The following CDK13 variants were observed in gnomAD, a reference collection of about 807,000 sequenced individuals.
The protein encoded by CDK13 is cyclin-dependent kinase 13.
CDK13 carries 40 observed loss-of-function variants against 137.6 expected under a neutral mutation model. The ratio of observed to expected loss-of-function variants is 0.29; its 90% CI spans 0.23 to 0.38. The LOEUF (loss-of-function observed/expected upper bound fraction) is 0.38, where lower values mean the gene tolerates loss of function less well. Among genes scored for constraint, CDK13 ranks in the 10% least tolerant of loss-of-function variants. The pLI is 1.00. For missense variants in CDK13, 1,704 were observed against 1,951.8 expected, an observed-to-expected ratio of 0.87 and a Z score of 2.39; for synonymous variants, 869 against 760.1, an observed-to-expected ratio of 1.14 and a Z score of -2.36.
At chr7:40,067,979 C>G (rs953879283) in intron 9 of CDK13, 2 of 152,020 alleles carry the variant, frequency 1.3e-5, no homozygotes, top group Admixed American at 6.6e-5. Context: ...CCTGTAGTCC[C>G]AGCTCCTCAG....
chr7:40,057,042 G>A (rs1786034786), intron 7 of CDK13, among the ~76,000 whole-genome samples: 1 of 152,206 alleles, frequency 6.6e-6, no homozygotes, highest in Admixed American at 6.5e-5. Flanking sequence ...ATCACCTGAG[G>A]TCAGGAGTTC....
At chr7:40,000,885 G>T (rs1323884320) in intron 4 of CDK13, among the ~76,000 whole-genome samples, 2 of 152,002 alleles carry the variant, frequency 1.3e-5, no homozygotes, top group African/African-American at 4.8e-5. Flanking sequence ...CTTGTAATAG[G>T]CTTCGTGTAT....
Position 39,961,708 on chromosome 7 carries a change from C to G in CDK13, c.1211+9856C>G, listed in dbSNP as rs4498451. ...CGTGCAGGTTAGTTACATATGTATA[C>G]ATGTGCCATGTTGGTGTGCTGCACC... On this transcript the variant is annotated intron_variant, in intron 1 of 13. Transcript: ENST00000181839. 9.2e-5 allele frequency among the ~76,000 whole-genome samples: 14 copies of G among 151,416 alleles called. No individual in the cohort carries two copies. In the East Asian group the frequency reaches 2.7e-3, roughly 29 times the overall value.
At chr7:39,953,895 A>G (rs966648506) in intron 1 of CDK13, among the ~76,000 whole-genome samples, 2 of 152,194 alleles carry the variant, frequency 1.3e-5, no homozygotes, top group Non-Finnish European at 2.9e-5. Context: ...TTTTAGCAAG[A>G]TCCTTGAAGA....
In CDK13 at chr7:39,987,901, G is replaced by C. The variant is rs778059575; in HGVS notation, c.1514G>C (p.Ser505Thr). ...AAGGGGAACACGGAAACTAGTGCCA[G>C]TGCATCACAAACAAACCATGTGAAG... ...PTKGNTETSA[S>T]ASQTNHVKDV... Residue 505 changes from serine (S) to threonine (T), a missense_variant, in exon 2 of 14, where the codon AGT becomes ACT. Around this residue, in one of 5 missense-constraint regions of CDK13, gnomAD observed 1,051 missense variants for 931.0 expected, o/e 1.13. Coordinates refer to ENST00000181839, the MANE Select transcript of CDK13 (RefSeq NM_003718.5). 9 of 1,614,074 alleles carry C rather than the reference G, an allele frequency of 5.6e-6. No homozygotes were observed. Among genetic ancestry groups the C allele is most frequent in the Non-Finnish European group, 7.6e-6 (9 of 1,180,016 alleles).
At chr7:40,006,584 C>T (rs1031448066) in intron 5 of CDK13, among the ~76,000 whole-genome samples, 20 of 152,196 alleles carry the variant, frequency 1.3e-4, no homozygotes, top group African/African-American at 4.1e-4. Flanking sequence ...TTGGCTGAGG[C>T]GGGCGGATCA....
rs986093302 is a variant in CDK13, at chr7:40,051,797, A to C, written c.2600+3920A>C. Among the ~76,000 whole-genome samples, 3 of 152,212 alleles carry C rather than the reference A, an allele frequency of 2.0e-5. No homozygotes were observed. In the East Asian group the frequency reaches 5.8e-4, roughly 29 times the overall value. On this transcript the variant is annotated intron_variant, in intron 7 of 13. Coordinates refer to ENST00000181839, the MANE Select transcript of CDK13 (RefSeq NM_003718.5). ...CTGCTCTTCATGTGCCTATTGAAGA[A>C]AGAAAGAGAACCACTGGATTAAAAT...
intron 5 of CDK13, among the ~76,000 whole-genome samples, chr7:40,028,218 CT>C (rs1209452508): frequency 0.034 from 4,061 of 118,938 alleles, 154 homozygotes; most frequent in African/African-American, 0.12. Context: ...CTTGAATTGA[CT>C]TTTTTTTTTT....
At chr7:40,007,998 G>C (rs964477986) in intron 5 of CDK13, among the ~76,000 whole-genome samples, 1 of 152,192 alleles carries the variant, frequency 6.6e-6, no homozygotes, top group Non-Finnish European at 1.5e-5. Flanking sequence ...GACAATGAAA[G>C]ATCGGCATAT....
Position 40,030,422 on chromosome 7 carries a change from ATTTTTTTTTTTTT to A in CDK13, c.2354-15399_2354-15387del, listed in dbSNP as rs34922492. ...ACCCCTGCAACTCTGGCAACCACTG[ATTTTTTTTTTTTT>A]TTTTTTTTTTTTTTGAGATAAGAGT... On this transcript the variant is annotated intron_variant, in intron 5 of 13. Transcript: ENST00000181839. 7.6e-5 allele frequency among the ~76,000 whole-genome samples: 5 copies of A among 66,010 alleles called. No individual in the cohort carries two copies. In the East Asian group the frequency reaches 1.2e-3, roughly 15 times the overall value. 43.3% of individuals were successfully genotyped at this position (66,010 alleles called of 152,430 possible).
chr7:40,014,045 A>G (rs1784951231), intron 5 of CDK13, among the ~76,000 whole-genome samples: 1 of 151,124 alleles, frequency 6.6e-6, no homozygotes, highest in Non-Finnish European at 1.5e-5. Context: ...ATAGGCAAAA[A>G]ATGCTGTCTT....
chr7:40,035,254 C>T (rs1785456989), intron 5 of CDK13, among the ~76,000 whole-genome samples: 1 of 152,052 alleles, frequency 6.6e-6, no homozygotes, highest in South Asian at 2.1e-4. Flanking sequence ...TTTAAAAATG[C>T]AGGTCATGAC....
Position 40,047,830 on chromosome 7 carries a change from A to G in CDK13, c.2553A>G (p.Ile851Met), listed in dbSNP as rs765678199. ...GTCTTATTTCCACCAGAGGGCAGAT[A>G]AAACTTGCAGACTTTGGACTTGCTC... Reference protein sequence around the residue: ...SNILLNNRGQIKLADFGLARL... With the variant: ...SNILLNNRGQMKLADFGLARL... Residue 851 changes from isoleucine (I) to methionine (M), a missense_variant, in exon 7 of 14, where the codon ATA (isoleucine) becomes ATG (methionine). Physicochemically the swap from Ile to Met is conservative, Grantham distance 10. This residue lies in a region of CDK13 where 130 missense variants were observed against 362.4 expected (regional missense o/e 0.36). Transcript: ENST00000181839. 6.2e-7 allele frequency: 1 copy of G among 1,609,952 alleles called. No homozygotes were observed. Among genetic ancestry groups the G allele is most frequent in the Admixed American group, 1.7e-5 (1 of 59,998 alleles).
intron 1 of CDK13, among the ~76,000 whole-genome samples, chr7:39,974,628 G>A (rs1402889125): frequency 1.3e-5 from 2 of 151,228 alleles, no homozygotes; most frequent in African/African-American, 4.9e-5. Context: ...GCAGTGGCAC[G>A]GTCTTGGCTC....
In CDK13 at chr7:40,094,850, C is replaced by T. The variant is rs776784082; in HGVS notation, c.4409C>T (p.Pro1470Leu). Residue 1470 changes from proline (P) to leucine (L), a missense_variant, in exon 14 of 14, where the codon CCG becomes CTG. Pro to Leu is a moderately conservative substitution (Grantham distance 98). Transcript: ENST00000181839. ...YNYGGNLQEN[P>L]SGPSLMHGQT... The stretch of plus-strand genomic sequence containing the variant: ...TATGGTGGTAACTTACAGGAAAATC[C>T]GAGTGGCCCCAGCCTCATGCATGGA... The T allele has an allele frequency of 1.3e-5, 20 of 1,551,406 alleles. No homozygotes were observed. In the East Asian group the frequency reaches 1.3e-4, roughly 10 times the overall value.
intron 5 of CDK13, among the ~76,000 whole-genome samples, chr7:40,006,094 C>T (rs1306256339): frequency 6.6e-6 from 1 of 152,192 alleles, no homozygotes; most frequent in Admixed American, 6.5e-5. Flanking sequence ...CCTCCTAACG[C>T]TTTCATCTGC....
Position 39,951,461 on chromosome 7 carries a change from C to A in CDK13, c.820C>A (p.Arg274=). The A allele has an allele frequency of 1.3e-6, 2 of 1,538,914 alleles. No individual in the cohort carries two copies. Among genetic ancestry groups the A allele is most frequent in the Non-Finnish European group, 1.7e-6 (2 of 1,143,450 alleles). Reference sequence around the variant, plus strand: ...CAGCAGCAGTAGCAGCCGCAAGGACCGGGACTCGAAGGCCCACCGCAGCCG... The same window carrying A: ...CAGCAGCAGTAGCAGCCGCAAGGACAGGGACTCGAAGGCCCACCGCAGCCG... The part of the protein sequence containing the change: ...TSSSSSSRKD[R]DSKAHRSRTK... Residue 274 remains arginine (R), a synonymous_variant, in exon 1 of 14, where the codon CGG becomes AGG. Transcript: ENST00000181839.
Position 40,096,397 on chromosome 7 carries a change from T to A in CDK13, c.*1417T>A, listed in dbSNP as rs564979039. 37 of 151,628 alleles carry A rather than the reference T, an allele frequency of 2.4e-4. No homozygotes were observed. The highest frequency in any genetic ancestry group is 8.9e-4 in the African/African-American group (37 of 41,486). 9.4% of individuals were successfully genotyped at this position (151,628 alleles called of 1,614,324 possible). A position where few individuals can be genotyped will look rare whatever the true frequency, so the allele number is the denominator to read the frequency against. The stretch of plus-strand genomic sequence containing the variant: ...AGAATGGAGTAGTCCTTATTTAAAC[T>A]GTAATGGTGTCAAGTCTCACTGTGT... On this transcript the variant is annotated 3_prime_UTR_variant, in exon 14 of 14. Transcript: ENST00000181839.
intron 1 of CDK13, among the ~76,000 whole-genome samples, chr7:39,964,541 G>A (rs1377624576): frequency 5.4e-5 from 8 of 149,314 alleles, no homozygotes; most frequent in Non-Finnish European, 1.2e-4. Context: ...CTAGCGGTCT[G>A]TCAATTTTGT....
Sources: gnomAD v4.1 joint callset for allele counts (sites outside exome capture counted in the v4.1 genomes callset) on GRCh38, gnomAD v4.1.1 for gene constraint, gnomAD v4.1.1 regional missense constraint, MANE v1.5 for transcripts, NCBI Gene and HGNC (gene_info 2026-07-23, HGNC 2026-07-21) for gene names.